HNF1B: variants seen among roughly 807,000 people sequenced by gnomAD.
HNF1B encodes the protein hepatocyte nuclear factor 1-beta.
In HNF1B, 8 loss-of-function variants were observed where a neutral mutation model predicts 61.7. The observed-to-expected ratio is 0.13, with a 90% CI of 0.08 to 0.23. The LOEUF is 0.23. Among genes scored for constraint, HNF1B ranks in the 10% least tolerant of loss-of-function variants. The probability of loss-of-function intolerance (pLI) is 1.00; values close to 1 mark genes in which losing one functional copy is unlikely to be tolerated. For synonymous variants in HNF1B, 314 were observed against 287.7 expected (o/e 1.09, Z -0.93); for missense variants, 562 against 714.5 (o/e 0.79, Z 2.43).
intron 8 of HNF1B, 75 bp from the exon 9 acceptor site, chr17:37,687,467 A>C: frequency 3.5e-6 from 4 of 1,143,412 alleles, no homozygotes; most frequent in Non-Finnish European, 5.3e-6. Context: ...TGGCTTCTCT[A>C]AGGGAGATGA....
At chr17:37,736,221 G>A (rs1380135196) in intron 2 of HNF1B, among the ~76,000 whole-genome samples, 1 of 152,238 alleles carries the variant, frequency 6.6e-6, no homozygotes, top group Non-Finnish European at 1.5e-5. Context: ...CTCCCCGTGG[G>A]CCCTGTGTGG....
chr17:37,688,518 A>G (rs3094513), intron 8 of HNF1B, among the ~76,000 whole-genome samples: 95,015 of 151,944 alleles, frequency 0.63, 30,462 homozygotes, highest in African/African-American at 0.79. Context: ...CTATTTGACA[A>G]ATTAGGAAAA....
At chr17:37,731,295 G>A (rs2033673367) in intron 4 of HNF1B, 1 of 554,626 alleles carries the variant, frequency 1.8e-6, no homozygotes, top group African/African-American at 1.9e-5. Flanking sequence ...CCTCCTCAGT[G>A]TAGAATGACC....
At chr17:37,731,969 A>G (rs1309607954) in intron 3 of HNF1B, 139 bp from the exon 4 acceptor site, 5 of 632,752 alleles carry the variant, frequency 7.9e-6, no homozygotes, top group Non-Finnish European at 1.4e-5. Context: ...TGGGGAGGAG[A>G]GGCCTATGCA....
chr17:37,696,645 C>A (rs1326329013), intron 8 of HNF1B, among the ~76,000 whole-genome samples: 1 of 152,208 alleles, frequency 6.6e-6, no homozygotes, highest in South Asian at 2.1e-4. Flanking sequence ...ACCTCTTTTA[C>A]CCAGCCTCAG....
At chr17:37,693,440 T>C (rs1053750520) in intron 8 of HNF1B, among the ~76,000 whole-genome samples, 11 of 152,150 alleles carry the variant, frequency 7.2e-5, no homozygotes, top group African/African-American at 2.2e-4. Context: ...GTGATGAAGC[T>C]GAAAGTAGCT....
intron 4 of HNF1B, among the ~76,000 whole-genome samples, chr17:37,719,494 A>G (rs2147502325): frequency 6.6e-6 from 1 of 152,348 alleles, no homozygotes; most frequent in Non-Finnish European, 1.5e-5. Flanking sequence ...GAGTAAAACT[A>G]AGAAGGGTTA....
intron 3 of HNF1B, 152 bp downstream of exon 3, chr17:37,733,405 T>G: frequency 1.2e-6 from 1 of 866,370 alleles, no homozygotes; most frequent in South Asian, 1.4e-5. Flanking sequence ...ATTAATGAAT[T>G]GATATTGGGG....
intron 2 of HNF1B, among the ~76,000 whole-genome samples, chr17:37,737,784 A>G (rs11263761): frequency 0.44 from 67,217 of 151,930 alleles, 15,236 homozygotes; most frequent in Middle Eastern, 0.54. Flanking sequence ...GCAGTGAGCC[A>G]AGATCGCGCC....
chr17:37,710,344 G>A (rs1290170275), intron 5 of HNF1B, among the ~76,000 whole-genome samples, 159 bp downstream of exon 5: 1 of 152,332 alleles, frequency 6.6e-6, no homozygotes, highest in South Asian at 2.1e-4. Flanking sequence ...CAAAGGCTGG[G>A]TCACCAGCAC....
At chr17:37,700,608 T>C (rs1352724322) in intron 7 of HNF1B, among the ~76,000 whole-genome samples, 3 of 152,154 alleles carry the variant, frequency 2.0e-5, no homozygotes, top group Non-Finnish European at 1.5e-5. Flanking sequence ...GAAGTTTAGA[T>C]TGCAAAGGCT....
At chr17:37,732,638 C>A (rs550293773) in intron 3 of HNF1B, among the ~76,000 whole-genome samples, 2 of 151,824 alleles carry the variant, frequency 1.3e-5, no homozygotes, top group Admixed American at 6.6e-5. Flanking sequence ...GAGAACAGGG[C>A]AGGAATGAAG....
In HNF1B at chr17:37,688,045, C is replaced by T. The variant is rs142650257; in HGVS notation, c.1654-653G>A. Reference sequence around the variant, plus strand: ...TTTGCAAATTGCAAAGTGCTTTCTACGGGTTTCTTACTTTAGCATAAGAAA... The same window carrying T: ...TTTGCAAATTGCAAAGTGCTTTCTATGGGTTTCTTACTTTAGCATAAGAAA... On this transcript the variant is annotated intron_variant, in intron 8 of 8. Transcript: ENST00000617811. Among the ~76,000 whole-genome samples the T allele has an allele frequency of 1.1e-4, 16 of 152,278 alleles. 1 individual carries two copies. The highest frequency in any genetic ancestry group is 1.9e-4 in the East Asian group (1 of 5,178).
intron 3 of HNF1B, among the ~76,000 whole-genome samples, chr17:37,732,848 T>TG (rs1297471197): frequency 1.6e-5 from 2 of 123,322 alleles, no homozygotes; most frequent in Non-Finnish European, 3.4e-5. Context: ...TTTGTTTTTT[T>TG]GTTTTTTTTT....
intron 8 of HNF1B, among the ~76,000 whole-genome samples, chr17:37,693,392 CA>C (rs949177687): frequency 2.6e-5 from 4 of 152,162 alleles, no homozygotes; most frequent in South Asian, 4.1e-4. Flanking sequence ...CTGAGTCTCC[CA>C]ACAGGGAATT....
rs2032558485 is a variant in HNF1B, at chr17:37,701,159, G to C, written c.1358C>G (p.Ala453Gly). The C allele has an allele frequency of 1.3e-6, 2 of 1,551,154 alleles. No homozygotes were observed. Among genetic ancestry groups the C allele is most frequent in the African/African-American group, 2.7e-5 (2 of 73,094 alleles). ...ACTGTTGATGACAGGGACACTCTGT[G>C]CTTGGGAGGTGTTGAGGCCTGTGGG... ...AIAQSLNTSQ[A>G]QSVPVINSVA... Residue 453 changes from alanine to glycine, a missense_variant, in exon 7 of 9, where the codon GCA becomes GGA. Around this residue, in one of 6 missense-constraint regions of HNF1B, gnomAD observed 211 missense variants for 200.7 expected, o/e 1.05. Coordinates refer to ENST00000617811, the MANE Select transcript of HNF1B (RefSeq NM_000458.4).
At chr17:37,723,415 C>A (rs1449420352) in intron 4 of HNF1B, among the ~76,000 whole-genome samples, 1 of 152,126 alleles carries the variant, frequency 6.6e-6, no homozygotes, top group African/African-American at 2.4e-5. Flanking sequence ...ATGGTCATCT[C>A]GACTTCATGA....
chr17:37,733,446 T>C (rs112393674), intron 3 of HNF1B, 111 bp downstream of exon 3: 21 of 1,263,996 alleles, frequency 1.7e-5, no homozygotes, highest in African/African-American at 1.0e-4. Flanking sequence ...GAAGCTCTGA[T>C]TTAGCCACAC....
chr17:37,699,733 C>T (rs1268745388), intron 7 of HNF1B, among the ~76,000 whole-genome samples: 2 of 152,182 alleles, frequency 1.3e-5, no homozygotes, highest in Non-Finnish European at 2.9e-5. Flanking sequence ...CATGTGGTCT[C>T]AGACTCTGCT....
Sources: gnomAD v4.1 joint callset for allele counts (sites outside exome capture counted in the v4.1 genomes callset) on GRCh38, gnomAD v4.1.1 for gene constraint, gnomAD v4.1.1 regional missense constraint, MANE v1.5 for transcripts, NCBI Gene and HGNC (gene_info 2026-07-23, HGNC 2026-07-21) for gene names.